PLEKHA8: variants seen among roughly 807,000 people sequenced by gnomAD.
PLEKHA8 encodes the protein pleckstrin homology domain-containing family A member 8.
PLEKHA8 carries 36 observed loss-of-function variants against 68.2 expected under a neutral mutation model. That is an observed-to-expected ratio of 0.53 (90% confidence interval 0.40 to 0.70). The LOEUF (loss-of-function observed/expected upper bound fraction) is 0.70, where lower values mean the gene tolerates loss of function less well. PLEKHA8 is among the 30% of genes least tolerant of loss of function. PLEKHA8 has a pLI of 0.00. For missense variants in PLEKHA8, 505 were observed against 615.4 expected, an observed-to-expected ratio of 0.82 and a Z score of 1.90; for synonymous variants, 211 against 216.1, an observed-to-expected ratio of 0.98 and a Z score of 0.20.
chr7:30,093,049 C>T (rs1795478007), downstream of PLEKHA8, among the ~76,000 whole-genome samples: 1 of 152,090 alleles, frequency 6.6e-6, no homozygotes, highest in Non-Finnish European at 1.5e-5. Context: ...GTGAGGTTAC[C>T]AGATTTTCTC....
In PLEKHA8 at chr7:30,082,536, A is replaced by G. The variant is rs909088301; in HGVS notation, c.*3749A>G. 3 of 985,434 alleles carry G rather than the reference A, an allele frequency of 3.0e-6. No individual in the cohort carries two copies. Among genetic ancestry groups the G allele is most frequent in the Non-Finnish European group, 3.6e-6 (3 of 829,932 alleles). The allele number at this position is 985,434 out of a possible 1,614,324, so 61.0% of individuals were successfully genotyped here. The stretch of plus-strand genomic sequence containing the variant: ...TGACATGACATGGGGCACCTAGGAA[A>G]GATGATTATTAGAGGAGTGCAGCGG... On this transcript the variant is annotated 3_prime_UTR_variant, in exon 14 of 14. Coordinates refer to ENST00000449726, the MANE Select transcript of PLEKHA8 (RefSeq NM_001197026.2).
chr7:30,028,735 G>T lies in PLEKHA8; in HGVS notation c.-28G>T. 1 of 1,251,870 alleles carries T rather than the reference G, an allele frequency of 8.0e-7. No homozygotes were observed. The highest frequency in any genetic ancestry group is 3.1e-5 in the East Asian group (1 of 31,978). 77.5% of individuals were successfully genotyped at this position (1,251,870 alleles called of 1,614,324 possible). A position where few individuals can be genotyped will look rare whatever the true frequency, so the allele number is the denominator to read the frequency against. On this transcript the variant is annotated 5_prime_UTR_variant, in exon 1 of 14. Transcript: ENST00000449726. ...GGCCTGGGGCAGTGAGGGGGCCGGC[G>T]GGCGTGGGCCGAGTGGCCGCGGGCG...
chr7:30,035,994 A>G (rs1229169088), intron 1 of PLEKHA8, among the ~76,000 whole-genome samples: 1 of 149,566 alleles, frequency 6.7e-6, no homozygotes. Flanking sequence ...GGTGGCTCAC[A>G]CCTGTAATGC....
In PLEKHA8 at chr7:30,040,355, G is replaced by A. The variant is rs112071195; in HGVS notation, c.41-4730G>A. ...CCATTTCCCTTTGTGTGTGAATCATGTTTAGGTCCCATGTGATGGCAAACT... is the reference window on the plus strand; with the variant it reads ...CCATTTCCCTTTGTGTGTGAATCATATTTAGGTCCCATGTGATGGCAAACT... On this transcript the variant is annotated intron_variant, in intron 1 of 13. Transcript: ENST00000449726. Among the ~76,000 whole-genome samples, 234 of 152,286 alleles carry A rather than the reference G, an allele frequency of 1.5e-3. 1 individual carries two copies. Among genetic ancestry groups the A allele is most frequent in the African/African-American group, 5.5e-3 (227 of 41,560 alleles).
intron 1 of PLEKHA8, among the ~76,000 whole-genome samples, chr7:30,033,267 A>G (rs1332128603): frequency 1.3e-5 from 2 of 152,232 alleles, no homozygotes; most frequent in Non-Finnish European, 2.9e-5. Context: ...TCATTATCCC[A>G]GAAAGAAACC....
intron 13 of PLEKHA8, among the ~76,000 whole-genome samples, chr7:30,127,313 GTCAGGCCAGAAACTCAAGA>G (rs1479380751): frequency 1.3e-5 from 2 of 152,122 alleles, no homozygotes; most frequent in Non-Finnish European, 2.9e-5. Context: ...TATTATTCCC[GTCAGGCCAGAAACTCAAGA>G]AATTTGGAGG....
chr7:30,096,645 G>A (rs935028825), intron 13 of PLEKHA8, among the ~76,000 whole-genome samples: 3 of 152,128 alleles, frequency 2.0e-5, no homozygotes, highest in Non-Finnish European at 4.4e-5. Flanking sequence ...GACTAGGATT[G>A]CAACCCCTGC....
At position 30,077,477 on chromosome 7, in the gene PLEKHA8, A is replaced by G. The variant is rs138843956; in HGVS notation, c.1363-1113A>G. On this transcript the variant is annotated intron_variant, in intron 13 of 13. Coordinates refer to ENST00000449726, the MANE Select transcript of PLEKHA8 (RefSeq NM_001197026.2). ...TATCATGTGCCAGGCAGTGGGCTAAACACTTCCTACAGATCCCATTAATGC... is the reference window on the plus strand; with the variant it reads ...TATCATGTGCCAGGCAGTGGGCTAAGCACTTCCTACAGATCCCATTAATGC... Among the ~76,000 whole-genome samples the G allele has an allele frequency of 1.4e-3, 209 of 152,282 alleles. 3 individuals are homozygous for G. The highest frequency in any genetic ancestry group is 4.9e-3 in the African/African-American group (202 of 41,560).
At chr7:30,094,966 A>G (rs935973614), downstream of PLEKHA8, among the ~76,000 whole-genome samples, 1 of 152,196 alleles carries the variant, frequency 6.6e-6, no homozygotes, top group Non-Finnish European at 1.5e-5. Flanking sequence ...TGCTATTGTG[A>G]ATAGCGCTAC....
At chr7:30,110,978 C>T (rs772425573) in intron 13 of PLEKHA8, among the ~76,000 whole-genome samples, 2 of 151,356 alleles carry the variant, frequency 1.3e-5, no homozygotes, top group African/African-American at 4.9e-5. Context: ...GATCTTGGCG[C>T]ACTGCAACCT....
At chr7:30,075,492 C>G (rs773435809) in intron 13 of PLEKHA8, among the ~76,000 whole-genome samples, 1 of 152,128 alleles carries the variant, frequency 6.6e-6, no homozygotes, top group African/African-American at 2.4e-5. Flanking sequence ...CCCCAAGTAC[C>G]AGAGTGAGGC....
intron 10 of PLEKHA8, 47 bp downstream of exon 10, chr7:30,060,989 A>G (rs770853231): frequency 8.3e-6 from 13 of 1,560,920 alleles, no homozygotes; most frequent in Admixed American, 1.8e-5. Context: ...ATAAAGGAAA[A>G]TGTTCTCAAC....
At chr7:30,034,467 T>A (rs1790908702) in intron 1 of PLEKHA8, among the ~76,000 whole-genome samples, 1 of 152,228 alleles carries the variant, frequency 6.6e-6, no homozygotes, top group African/African-American at 2.4e-5. Flanking sequence ...AGCCTGCGAA[T>A]AACCAAAAGC....
At chr7:30,087,837 C>G (rs564897464), downstream of PLEKHA8, among the ~76,000 whole-genome samples, 51 of 152,196 alleles carry the variant, frequency 3.4e-4, no homozygotes, top group Non-Finnish European at 7.1e-4. Flanking sequence ...TAAACATTCC[C>G]TGCATTTCTA....
At chr7:30,064,404 A>G (rs936073634) in intron 12 of PLEKHA8, among the ~76,000 whole-genome samples, 4 of 152,112 alleles carry the variant, frequency 2.6e-5, no homozygotes, top group African/African-American at 9.7e-5. Flanking sequence ...TTAGCTGAGT[A>G]TGGTGTTGCG....
chr7:30,077,621 C>G (rs1794688665), intron 13 of PLEKHA8, among the ~76,000 whole-genome samples: 1 of 152,132 alleles, frequency 6.6e-6, no homozygotes, highest in Non-Finnish European at 1.5e-5. Flanking sequence ...AGATTCAAGT[C>G]CAGGTCTGCT....
At chr7:30,058,349 T>G (rs1397170275) in intron 9 of PLEKHA8, among the ~76,000 whole-genome samples, 4 of 152,112 alleles carry the variant, frequency 2.6e-5, no homozygotes, top group Non-Finnish European at 4.4e-5. Context: ...AAGAAATCTT[T>G]ACCTATCCCA....
intron 10 of PLEKHA8, among the ~76,000 whole-genome samples, chr7:30,061,600 G>A (rs1793441748): frequency 1.3e-5 from 2 of 152,160 alleles, no homozygotes; most frequent in African/African-American, 4.8e-5. Flanking sequence ...AATGATTGTT[G>A]AGTTTTATAT....
chr7:30,109,306 A>C (rs549668180), intron 13 of PLEKHA8, among the ~76,000 whole-genome samples: 1 of 152,164 alleles, frequency 6.6e-6, no homozygotes, highest in African/African-American at 2.4e-5. Context: ...AAAGAGATTA[A>C]CATGGCTGGG....
Sources: allele counts gnomAD v4.1 joint callset (sites outside exome capture counted in the v4.1 genomes callset), GRCh38; gene constraint gnomAD v4.1.1; transcripts MANE v1.5; gene names NCBI Gene and HGNC (gene_info 2026-07-23, HGNC 2026-07-21).